The following POU2F1 variants were observed in gnomAD, a reference collection of about 807,000 sequenced individuals.
POU2F1 encodes the protein POU domain, class 2, transcription factor 1.
In POU2F1, 16 loss-of-function variants were observed where a neutral mutation model predicts 84.9. The observed-to-expected ratio is 0.19, with a 90% CI of 0.13 to 0.29. The LOEUF (loss-of-function observed/expected upper bound fraction) is 0.29. Among genes scored for constraint, POU2F1 ranks in the 10% least tolerant of loss-of-function variants. POU2F1 has a pLI of 1.00. For synonymous variants in POU2F1, 368 were observed against 368.3 expected, an observed-to-expected ratio of 1.00 and a Z score of 0.01; for missense variants, 738 against 942.6, an observed-to-expected ratio of 0.78 and a Z score of 2.84.
intron 1 of POU2F1, among the ~76,000 whole-genome samples, chr1:167,238,695 C>T (rs548077864): frequency 6.6e-6 from 1 of 152,180 alleles, no homozygotes; most frequent in East Asian, 1.9e-4. Context: ...AATGGAGATA[C>T]TGCATATTCT....
In POU2F1 at chr1:167,416,087, T is replaced by TAAAAAAAAAAAAAAAAAAAAAAAAAAAAA; in HGVS notation, c.*296_*297insAAAAAAAAAAAAAAAAAAAAAAAAAAAAA. 7 of 351,040 alleles carry TAAAAAAAAAAAAAAAAAAAAAAAAAAAAA rather than the reference T, an allele frequency of 2.0e-5. No homozygotes were observed. The highest frequency in any genetic ancestry group is 8.0e-5 in the East Asian group (1 of 12,468). 21.7% of individuals were successfully genotyped at this position (351,040 alleles called of 1,614,324 possible). A position where few individuals can be genotyped will look rare whatever the true frequency, so the allele number is the denominator to read the frequency against. ...ATTGGAGAACTTTCTAACCAAAAAT[T>TAAAAAAAAAAAAAAAAAAAAAAAAAAAAA]AAAAAAAAAAAAAAAAAAAGAAACA... On this transcript the variant is annotated 3_prime_UTR_variant, in exon 16 of 16. Transcript: ENST00000367866.
intron 2 of POU2F1, among the ~76,000 whole-genome samples, chr1:167,365,206 C>G (rs1229562881): frequency 6.6e-6 from 1 of 152,154 alleles, no homozygotes; most frequent in Non-Finnish European, 1.5e-5. Flanking sequence ...TTTTCACATA[C>G]CATCTTATGA....
intron 1 of POU2F1, among the ~76,000 whole-genome samples, chr1:167,261,636 T>C (rs1475314669): frequency 6.6e-6 from 1 of 152,244 alleles, no homozygotes; most frequent in Non-Finnish European, 1.5e-5. Flanking sequence ...GCACTTGTTA[T>C]CTGTACCAGC....
chr1:167,410,507 A>ATGT (rs1288324471), intron 13 of POU2F1, among the ~76,000 whole-genome samples: 11 of 148,464 alleles, frequency 7.4e-5, no homozygotes, highest in Admixed American at 7.2e-4. Flanking sequence ...TCACCAAAAA[A>ATGT]TGTTATTATT....
intron 8 of POU2F1, among the ~76,000 whole-genome samples, chr1:167,386,138 C>G (rs1477454894): frequency 3.3e-5 from 5 of 151,838 alleles, no homozygotes; most frequent in African/African-American, 1.2e-4. Context: ...TCATACATTG[C>G]TTAGTGGTGT....
Position 167,427,275 on chromosome 1 carries a change from C to T in POU2F1, c.*11465C>T, listed in dbSNP as rs1651016633. ...TGTAATTTTTTATATATATATTAAA[C>T]TTACTGTAACTGTACAGTTCATTTC... is the stretch of plus-strand genomic sequence containing the variant. On this transcript the variant is annotated 3_prime_UTR_variant, in exon 16 of 16. Transcript: ENST00000367866. 6.6e-6 allele frequency: 1 copy of T among 152,134 alleles called. No individual in the cohort carries two copies. Among genetic ancestry groups the T allele is most frequent in the South Asian group, 2.1e-4 (1 of 4,834 alleles). The allele number at this position is 152,134 out of a possible 1,614,324, so 9.4% of individuals were successfully genotyped here.
At chr1:167,273,143 C>T (rs1470298018) in intron 1 of POU2F1, among the ~76,000 whole-genome samples, 4 of 152,220 alleles carry the variant, frequency 2.6e-5, no homozygotes, top group African/African-American at 9.6e-5. Context: ...GACTCTATGT[C>T]TCATATCCGG....
At chr1:167,295,468 AACT>A (rs1246977676) in intron 1 of POU2F1, among the ~76,000 whole-genome samples, 1 of 152,222 alleles carries the variant, frequency 6.6e-6, no homozygotes, top group Non-Finnish European at 1.5e-5. Flanking sequence ...TATAAGTGGG[AACT>A]AAGCTATGAA....
At chr1:167,251,699 A>C (rs1448082967) in intron 1 of POU2F1, among the ~76,000 whole-genome samples, 1 of 152,204 alleles carries the variant, frequency 6.6e-6, no homozygotes, top group Non-Finnish European at 1.5e-5. Flanking sequence ...GTGACTACAT[A>C]GGCTATGTTT....
chr1:167,253,376 G>GCCAC (rs1650873900), intron 1 of POU2F1, among the ~76,000 whole-genome samples: 1 of 121,500 alleles, frequency 8.2e-6, no homozygotes, highest in Non-Finnish European at 1.7e-5. Context: ...TTATTTTTCT[G>GCCAC]CCCCCCCCCC....
At chr1:167,267,315 A>G (rs1028932392) in intron 1 of POU2F1, among the ~76,000 whole-genome samples, 5 of 152,032 alleles carry the variant, frequency 3.3e-5, no homozygotes, top group African/African-American at 4.8e-5. Flanking sequence ...CTGGAGGAAT[A>G]AATACTAAAT....
intron 1 of POU2F1, among the ~76,000 whole-genome samples, chr1:167,262,190 A>C (rs114582686): frequency 1.3e-5 from 2 of 152,136 alleles, no homozygotes; most frequent in East Asian, 3.9e-4. Context: ...GGGTCTCACT[A>C]TATTGTCCAG....
intron 1 of POU2F1, among the ~76,000 whole-genome samples, chr1:167,301,745 G>A (rs1320151894): frequency 6.6e-6 from 1 of 152,116 alleles, no homozygotes; most frequent in Non-Finnish European, 1.5e-5. Context: ...AGGGTTTGGT[G>A]GATGTGTTAA....
chr1:167,299,325 T>C (rs1654498459), intron 1 of POU2F1, among the ~76,000 whole-genome samples: 1 of 152,154 alleles, frequency 6.6e-6, no homozygotes, highest in Non-Finnish European at 1.5e-5. Flanking sequence ...TTGTATGTTT[T>C]TTAAAAAAAT....
Position 167,426,024 on chromosome 1 carries a change from G to C in POU2F1, c.*10214G>C, listed in dbSNP as rs932323888. The C allele has an allele frequency of 2.8e-5, 4 of 143,360 alleles. No homozygotes were observed. Among genetic ancestry groups the C allele is most frequent in the Non-Finnish European group, 6.1e-5 (4 of 65,340 alleles). 8.9% of individuals were successfully genotyped at this position (143,360 alleles called of 1,614,324 possible). A position where few individuals can be genotyped will look rare whatever the true frequency, so the allele number is the denominator to read the frequency against. On this transcript the variant is annotated 3_prime_UTR_variant, in exon 16 of 16. Transcript: ENST00000367866. Reference sequence around the variant, plus strand: ...GATCTTTTTAATCTCAGTTGGTTGGGGGAGGGGGGTACTTGGTTCTTGGGT... The same window carrying C: ...GATCTTTTTAATCTCAGTTGGTTGGCGGAGGGGGGTACTTGGTTCTTGGGT...
At chr1:167,380,431 A>C (rs1267042192) in intron 7 of POU2F1, 1 of 152,252 alleles carries the variant, frequency 6.6e-6, no homozygotes, top group Non-Finnish European at 1.5e-5. Context: ...CAGAGAATGA[A>C]AAGGTTGTTC....
At position 167,422,113 on chromosome 1, in the gene POU2F1, GGGT is replaced by G. The variant is rs1468401439; in HGVS notation, c.*6305_*6307del. 11 of 152,266 alleles carry G rather than the reference GGGT, an allele frequency of 7.2e-5. No homozygotes were observed. The highest frequency in any genetic ancestry group is 2.7e-4 in the African/African-American group (11 of 41,440). 9.4% of individuals were successfully genotyped at this position (152,266 alleles called of 1,614,324 possible). ...TGTCCAGTAGGTTCAGGGACCCTGA[GGGT>G]GCATTTACATCCCTTCCTATGGTTG... On this transcript the variant is annotated 3_prime_UTR_variant, in exon 16 of 16. Coordinates refer to ENST00000367866, the MANE Select transcript of POU2F1 (RefSeq NM_002697.4).
intron 2 of POU2F1, among the ~76,000 whole-genome samples, chr1:167,335,119 T>C (rs1657355033): frequency 6.6e-6 from 1 of 152,158 alleles, no homozygotes; most frequent in Non-Finnish European, 1.5e-5. Flanking sequence ...TTGCAGAAAA[T>C]TTATAGTTTA....
chr1:167,310,183 TAG>T (rs548602182), intron 1 of POU2F1, among the ~76,000 whole-genome samples: 1 of 152,026 alleles, frequency 6.6e-6, no homozygotes, highest in Non-Finnish European at 1.5e-5. Context: ...CCTGGACTGT[TAG>T]AGAGGGGAAG....
Sources: allele counts gnomAD v4.1 joint callset (sites outside exome capture counted in the v4.1 genomes callset), GRCh38; gene constraint gnomAD v4.1.1; transcripts MANE v1.5; gene names NCBI Gene and HGNC (gene_info 2026-07-23, HGNC 2026-07-21).